The following PPARGC1A variants were observed in gnomAD, a reference collection of about 807,000 sequenced individuals.
PPARGC1A encodes peroxisome proliferator-activated receptor gamma coactivator 1-alpha.
In PPARGC1A, 25 loss-of-function variants were observed where a neutral mutation model predicts 88.7. That is an observed-to-expected ratio of 0.28 (90% CI 0.21 to 0.39). The LOEUF (loss-of-function observed/expected upper bound fraction) is 0.39. PPARGC1A is among the 10% of genes least tolerant of loss of function. The pLI is 1.00. For synonymous variants in PPARGC1A, 363 were observed against 355.6 expected (o/e 1.02, Z -0.24); for missense variants, 880 against 968.7 (o/e 0.91, Z 1.22).
chr4:24,285,435 C>T, the PPARGC1A span, among the ~76,000 whole-genome samples: 1 of 152,144 alleles, frequency 6.6e-6, no homozygotes, highest in South Asian at 2.1e-4. Flanking sequence ...TGTAAAAAAA[C>T]AGGTGGGGGA....
intron 10 of PPARGC1A, among the ~76,000 whole-genome samples, chr4:23,803,064 A>G (rs1262212062): frequency 6.6e-6 from 1 of 152,250 alleles, no homozygotes; most frequent in Non-Finnish European, 1.5e-5. Flanking sequence ...TTACAAAACT[A>G]TTACATTTCT....
Position 23,831,771 on chromosome 4 carries a change from C to A in PPARGC1A, c.235-20G>T. 6.3e-7 allele frequency: 1 copy of A among 1,589,722 alleles called. No homozygotes were observed. Among genetic ancestry groups the A allele is most frequent in the Non-Finnish European group, 8.6e-7 (1 of 1,159,650 alleles). On this transcript the variant is annotated intron_variant, in intron 2 of 12. Transcript: ENST00000264867. ...TATCTTCTGCAGAAAGAGAAAAAAA[C>A]AGAAGATGTGAGTTGACCCTGGGAG...
the PPARGC1A span, among the ~76,000 whole-genome samples, chr4:24,331,740 G>T: frequency 1.4e-5 from 2 of 147,152 alleles, no homozygotes. Flanking sequence ...GACTATACTT[G>T]CCTCTAAGGT....
chr4:24,208,647 GA>G, the PPARGC1A span, among the ~76,000 whole-genome samples: 1 of 137,884 alleles, frequency 7.3e-6, no homozygotes, highest in Non-Finnish European at 1.5e-5. Context: ...CTGCTTCATG[GA>G]ATCTGCAATC....
the PPARGC1A span, among the ~76,000 whole-genome samples, chr4:24,233,331 A>C: frequency 2.0e-5 from 3 of 152,212 alleles, no homozygotes; most frequent in African/African-American, 7.2e-5. Flanking sequence ...CAAAATGCAC[A>C]TTGTACTAAA....
At chr4:24,467,036 G>GAGAA in the PPARGC1A span, among the ~76,000 whole-genome samples, 373 of 115,760 alleles carry the variant, frequency 3.2e-3, 3 homozygotes, top group African/African-American at 0.011. Context: ...GAAAGAGAAA[G>GAGAA]AGAGAGAGAG....
the PPARGC1A span, among the ~76,000 whole-genome samples, chr4:24,285,685 A>C: frequency 8.5e-5 from 13 of 152,306 alleles, no homozygotes; most frequent in East Asian, 2.5e-3. Context: ...TCTCTCTGTT[A>C]AACTACCTAT....
At chr4:23,879,305 C>T (rs893232935) in intron 2 of PPARGC1A, among the ~76,000 whole-genome samples, 3 of 152,124 alleles carry the variant, frequency 2.0e-5, no homozygotes, top group African/African-American at 7.2e-5. Flanking sequence ...TGGAAGGCTG[C>T]AGGATTTCCT....
chr4:24,300,193 A>G, the PPARGC1A span, among the ~76,000 whole-genome samples: 1 of 152,082 alleles, frequency 6.6e-6, no homozygotes, highest in African/African-American at 2.4e-5. Context: ...TGTCTTCCTC[A>G]CATTTTGTTC....
At chr4:24,046,612 G>A in the PPARGC1A span, among the ~76,000 whole-genome samples, 1 of 152,120 alleles carries the variant, frequency 6.6e-6, no homozygotes, top group South Asian at 2.1e-4. Context: ...AAGATCTTTA[G>A]TATGTCCTGT....
the PPARGC1A span, among the ~76,000 whole-genome samples, chr4:24,322,638 T>C: frequency 0.46 from 69,578 of 152,054 alleles, 16,324 homozygotes; most frequent in African/African-American, 0.53. Context: ...CAAGAGCTGA[T>C]TGTTAAATTT....
At chr4:23,809,985 A>G (rs1471493598) in intron 10 of PPARGC1A, among the ~76,000 whole-genome samples, 1 of 152,138 alleles carries the variant, frequency 6.6e-6, no homozygotes, top group Non-Finnish European at 1.5e-5. Context: ...CTGTTTGTGT[A>G]TTTTTATCTG....
the PPARGC1A span, among the ~76,000 whole-genome samples, chr4:23,927,879 G>A: frequency 1.3e-5 from 2 of 152,122 alleles, no homozygotes; most frequent in East Asian, 1.9e-4. Context: ...GCAGGCTTAA[G>A]AGCCAGTATG....
the PPARGC1A span, among the ~76,000 whole-genome samples, chr4:24,136,943 G>A: frequency 2.0e-5 from 3 of 151,784 alleles, no homozygotes; most frequent in Non-Finnish European, 4.4e-5. Flanking sequence ...GTGAAACCCC[G>A]TCTCTACTAA....
rs1156661572 is a variant in PPARGC1A at position 23,795,644 on chromosome 4, C to A, written c.*178G>T. ...TCTTCAGCAGCTGTGTTCATGTAAA[C>A]CATTGTTGTTATTGTTGTTGTTGTT... On this transcript the variant is annotated 3_prime_UTR_variant, in exon 13 of 13. Transcript: ENST00000264867. The A allele has an allele frequency of 1.8e-6, 1 of 551,854 alleles. No individual in the cohort carries two copies. Among genetic ancestry groups the A allele is most frequent in the African/African-American group, 1.9e-5 (1 of 51,298 alleles). The allele number at this position is 551,854 out of a possible 1,614,324, so 34.2% of individuals were successfully genotyped here. A position where few individuals can be genotyped will look rare whatever the true frequency, so the allele number is the denominator to read the frequency against.
the PPARGC1A span, among the ~76,000 whole-genome samples, chr4:24,444,979 G>A: frequency 1.3e-5 from 2 of 152,072 alleles, no homozygotes; most frequent in African/African-American, 2.4e-5. Context: ...CTAAGCCCAG[G>A]AGGTGGAGGT....
the PPARGC1A span, among the ~76,000 whole-genome samples, chr4:24,314,480 A>C: frequency 6.6e-6 from 1 of 152,164 alleles, no homozygotes; most frequent in African/African-American, 2.4e-5. Context: ...CTCTTACCAG[A>C]CCAAATTAGC....
the PPARGC1A span, among the ~76,000 whole-genome samples, chr4:24,191,439 G>T: frequency 6.6e-6 from 1 of 152,196 alleles, no homozygotes; most frequent in Non-Finnish European, 1.5e-5. Context: ...GGTCTGTCTA[G>T]TTCCTAAGCC....
chr4:24,328,448 A>G, the PPARGC1A span, among the ~76,000 whole-genome samples: 2 of 152,116 alleles, frequency 1.3e-5, no homozygotes, highest in Non-Finnish European at 2.9e-5. Context: ...GTTCCCATTA[A>G]CAAAAGAAAA....
Sources: allele counts gnomAD v4.1 joint callset (sites outside exome capture counted in the v4.1 genomes callset), GRCh38; gene constraint gnomAD v4.1.1; transcripts MANE v1.5; gene names NCBI Gene and HGNC (gene_info 2026-07-23, HGNC 2026-07-21).